PDE1C: variants seen among roughly 807,000 people sequenced by gnomAD.
The protein encoded by PDE1C is phosphodiesterase 1C.
PDE1C carries 62 observed loss-of-function variants against 93.1 expected under a neutral mutation model. The ratio of observed to expected loss-of-function variants is 0.67; its 90% CI spans 0.54 to 0.82. PDE1C has a LOEUF of 0.82. Ranked by LOEUF, PDE1C falls within the 40% of genes least tolerant of loss-of-function variation. PDE1C has a pLI of 0.00. For synonymous variants in PDE1C, 325 were observed against 310.1 expected (o/e 1.05, Z -0.50); for missense variants, 742 against 884.6 (o/e 0.84, Z 2.04).
chr7:31,908,699 G>T (rs1380726557), intron 2 of PDE1C, among the ~76,000 whole-genome samples: 1 of 152,028 alleles, frequency 6.6e-6, no homozygotes, highest in Non-Finnish European at 1.5e-5. Context: ...CTTTCAGCAG[G>T]GTCACACACC....
chr7:32,008,247 A>G (rs906024871), intron 2 of PDE1C, among the ~76,000 whole-genome samples: 4 of 152,136 alleles, frequency 2.6e-5, no homozygotes, highest in Admixed American at 2.6e-4. Flanking sequence ...CTGGTATTTT[A>G]TTCCATGTCC....
chr7:32,044,838 C>T (rs555447235), intron 2 of PDE1C, among the ~76,000 whole-genome samples: 15 of 152,232 alleles, frequency 9.9e-5, no homozygotes, highest in South Asian at 6.2e-4. Flanking sequence ...AGAGAAAAGA[C>T]GAATGAATTG....
intron 1 of PDE1C, among the ~76,000 whole-genome samples, chr7:32,368,268 A>T (rs1009624741): frequency 1.3e-5 from 2 of 152,154 alleles, no homozygotes; most frequent in Admixed American, 1.3e-4. Flanking sequence ...AGACTCTTAG[A>T]ACTGAAAAAA....
chr7:31,985,920 C>A lies in PDE1C; in HGVS notation c.128+65634G>T, dbSNP rs569135099. ...TCAGTTTCCTGCTCTGCCCCTTCCC[C>A]TAGCACCTTGCTCCTCATTTGCATA... is the stretch of plus-strand genomic sequence containing the variant. On this transcript the variant is annotated intron_variant, in intron 2 of 17. Transcript: ENST00000396191. 9.2e-5 allele frequency among the ~76,000 whole-genome samples: 14 copies of A among 152,244 alleles called. No homozygotes were observed. The East Asian group carries it at 2.7e-3, about 29-fold the overall frequency.
intron 1 of PDE1C, among the ~76,000 whole-genome samples, chr7:32,314,336 G>A (rs569253331): frequency 2.0e-5 from 3 of 152,174 alleles, no homozygotes; most frequent in Non-Finnish European, 4.4e-5. Context: ...AAGAGACAAA[G>A]GGAATAGCAG....
At chr7:31,937,751 T>C (rs1446723185) in intron 2 of PDE1C, among the ~76,000 whole-genome samples, 1 of 152,216 alleles carries the variant, frequency 6.6e-6, no homozygotes, top group Admixed American at 6.5e-5. Context: ...AGATCAGTTA[T>C]GCTTACTACT....
the PDE1C span, among the ~76,000 whole-genome samples, chr7:31,682,699 A>G: frequency 6.6e-6 from 1 of 152,200 alleles, no homozygotes; most frequent in Non-Finnish European, 1.5e-5. Flanking sequence ...TTCCTTTGCA[A>G]TAGACGAAAC....
At chr7:32,065,285 T>C (rs147369712) in intron 1 of PDE1C, among the ~76,000 whole-genome samples, 1 of 152,318 alleles carries the variant, frequency 6.6e-6, no homozygotes, top group East Asian at 1.9e-4. Flanking sequence ...CTAGTTTATT[T>C]TGGGCTGCCC....
intron 1 of PDE1C, among the ~76,000 whole-genome samples, chr7:32,261,637 T>C (rs1051865527): frequency 2.0e-5 from 3 of 152,214 alleles, no homozygotes; most frequent in Non-Finnish European, 4.4e-5. Context: ...CCATCAATGA[T>C]GTATGAGTTC....
chr7:31,744,798 T>A, the PDE1C span, among the ~76,000 whole-genome samples: 1 of 152,184 alleles, frequency 6.6e-6, no homozygotes. Flanking sequence ...CACTCTGATA[T>A]TTGTTTCCAA....
At chr7:31,946,744 T>C (rs1270360065) in intron 2 of PDE1C, among the ~76,000 whole-genome samples, 2 of 152,316 alleles carry the variant, frequency 1.3e-5, no homozygotes, top group East Asian at 1.9e-4. Context: ...GGTCCCACTT[T>C]ATGCACTCTT....
the PDE1C span, among the ~76,000 whole-genome samples, chr7:31,702,035 A>G: frequency 6.6e-6 from 1 of 152,122 alleles, no homozygotes; most frequent in Non-Finnish European, 1.5e-5. Flanking sequence ...AAGTCCTGCA[A>G]AAGGAATCAT....
intron 3 of PDE1C, among the ~76,000 whole-genome samples, chr7:32,087,918 G>A (rs558814503): frequency 2.0e-5 from 3 of 151,566 alleles, no homozygotes; most frequent in East Asian, 1.9e-4. Context: ...GAGTTAATGG[G>A]TGCAGCACAC....
chr7:31,761,036 T>C (rs1794801714), intron 17 of PDE1C, among the ~76,000 whole-genome samples: 1 of 51,346 alleles, frequency 1.9e-5, no homozygotes, highest in Non-Finnish European at 4.4e-5. Flanking sequence ...CCTGTGATTT[T>C]CATTTCAGGA....
At chr7:32,313,183 G>T (rs1171156121) in intron 1 of PDE1C, among the ~76,000 whole-genome samples, 1 of 152,164 alleles carries the variant, frequency 6.6e-6, no homozygotes, top group East Asian at 1.9e-4. Flanking sequence ...TCAGAGAAAT[G>T]CAAATCAAAA....
At chr7:32,157,454 C>A (rs997465032) in intron 3 of PDE1C, among the ~76,000 whole-genome samples, 5 of 151,886 alleles carry the variant, frequency 3.3e-5, no homozygotes, top group Admixed American at 6.6e-5. Context: ...AAAATATGTA[C>A]AACTATGTCA....
At chr7:32,372,378 C>T (rs1418668342) in intron 1 of PDE1C, among the ~76,000 whole-genome samples, 1 of 152,094 alleles carries the variant, frequency 6.6e-6, no homozygotes, top group African/African-American at 2.4e-5. Context: ...GGTACCAAGA[C>T]AATTCAATGG....
chr7:31,661,381 C>T, the PDE1C span, among the ~76,000 whole-genome samples: 2 of 152,124 alleles, frequency 1.3e-5, no homozygotes, highest in African/African-American at 4.8e-5. Flanking sequence ...TCATTCACCC[C>T]ATAGGGAAAG....
At chr7:31,659,251 C>T in the PDE1C span, among the ~76,000 whole-genome samples, 4 of 152,210 alleles carry the variant, frequency 2.6e-5, no homozygotes, top group East Asian at 1.9e-4. Flanking sequence ...CTTTGTTAGC[C>T]GCTCCTATGA....
Sources: allele counts gnomAD v4.1 joint callset (sites outside exome capture counted in the v4.1 genomes callset), GRCh38; gene constraint gnomAD v4.1.1; transcripts MANE v1.5; gene names NCBI Gene and HGNC (gene_info 2026-07-23, HGNC 2026-07-21).